CRAMP1: variants seen among roughly 807,000 people sequenced by gnomAD.
The protein encoded by CRAMP1 is cramped chromatin regulator 1, also known as protein cramped-like.
CRAMP1 carries 50 observed loss-of-function variants against 115.4 expected under a neutral mutation model. That is an observed-to-expected ratio of 0.43 (90% CI 0.35 to 0.55). The LOEUF is 0.55. CRAMP1 is among the 20% of genes least tolerant of loss of function. The pLI is 0.01. For synonymous variants in CRAMP1, 866 were observed against 745.4 expected, an observed-to-expected ratio of 1.16 and a Z score of -2.64; for missense variants, 1,679 against 1,721.7, an observed-to-expected ratio of 0.98 and a Z score of 0.44.
At chr16:1,616,818 CTT>C (rs1008931996) in intron 2 of CRAMP1, among the ~76,000 whole-genome samples, 7 of 144,878 alleles carry the variant, frequency 4.8e-5, no homozygotes, top group Non-Finnish European at 4.6e-5. Flanking sequence ...GCAAATATAT[CTT>C]TTTTTTTTTT....
chr16:1,615,044 A>C, intron 2 of CRAMP1, 59 bp downstream of exon 2: 3 of 1,033,450 alleles, frequency 2.9e-6, no homozygotes, highest in Non-Finnish European at 3.7e-6. Context: ...GCCGCGGGGG[A>C]GAGGAACCCC....
intron 11 of CRAMP1, among the ~76,000 whole-genome samples, chr16:1,661,627 G>A (rs1483123909): frequency 1.4e-5 from 2 of 142,316 alleles, no homozygotes; most frequent in Non-Finnish European, 3.0e-5. Flanking sequence ...ATGGAGTCTC[G>A]CTCTGTCGCC....
At chr16:1,619,983 G>A (rs368409814) in intron 2 of CRAMP1, among the ~76,000 whole-genome samples, 5 of 152,340 alleles carry the variant, frequency 3.3e-5, no homozygotes, top group South Asian at 4.2e-4. Context: ...ACTGCCTGTC[G>A]TATAGGATGG....
chr16:1,615,141 T>TC (rs1260863284), intron 2 of CRAMP1, among the ~76,000 whole-genome samples, 156 bp downstream of exon 2: 1 of 152,212 alleles, frequency 6.6e-6, no homozygotes, highest in Non-Finnish European at 1.5e-5. Flanking sequence ...GGGGCATGTG[T>TC]CCCCTCTCTC....
chr16:1,627,543 G>A (rs531530036), intron 3 of CRAMP1, among the ~76,000 whole-genome samples: 3 of 152,300 alleles, frequency 2.0e-5, no homozygotes, highest in East Asian at 3.9e-4. Flanking sequence ...GGAGACACTC[G>A]TAAATGTGGG....
chr16:1,637,090 C>T (rs1476066509), intron 4 of CRAMP1, among the ~76,000 whole-genome samples: 3 of 152,064 alleles, frequency 2.0e-5, no homozygotes, highest in Middle Eastern at 3.2e-3. Context: ...GTCAGGAGTT[C>T]GAGACCAGCC....
At position 1,662,657 on chromosome 16, in the gene CRAMP1, C is replaced by G; in HGVS notation, c.2581C>G (p.Leu861Val). ...KEAELTFRQH[L>V]NSISMQSDFF... ...AGCAGAGCTGACTTTCCGCCAGCAT[C>G]TGAACTCCATCAGTGTGAGTGTGTG... Residue 861 changes from leucine to valine, a missense_variant, in exon 12 of 21, where the codon CTG becomes GTG. By Grantham distance (32) the Leu-to-Val change is conservative. Transcript: ENST00000397412. 1.9e-6 allele frequency: 3 copies of G among 1,614,068 alleles called. No individual in the cohort carries two copies. Among genetic ancestry groups the G allele is most frequent in the Non-Finnish European group, 2.5e-6 (3 of 1,179,904 alleles).
At chr16:1,664,066 C>T (rs1174985106) in intron 13 of CRAMP1, among the ~76,000 whole-genome samples, 2 of 152,196 alleles carry the variant, frequency 1.3e-5, no homozygotes, top group Non-Finnish European at 2.9e-5. Flanking sequence ...GTAGTGCCTC[C>T]TCTCTAGTCT....
chr16:1,628,953 G>A (rs1026373364), intron 3 of CRAMP1, among the ~76,000 whole-genome samples: 1 of 152,220 alleles, frequency 6.6e-6, no homozygotes, highest in Admixed American at 6.5e-5. Flanking sequence ...CGCCCGTCCA[G>A]TTATGGCCCG....
intron 5 of CRAMP1, among the ~76,000 whole-genome samples, chr16:1,640,359 G>C (rs1194705566): frequency 2.0e-5 from 3 of 152,100 alleles, no homozygotes; most frequent in African/African-American, 7.3e-5. Flanking sequence ...TGATGAGAGG[G>C]GTCAGTGGTC....
In CRAMP1 at chr16:1,623,774, C is replaced by G. The variant is rs143411513; in HGVS notation, c.347-2199C>G. Among the ~76,000 whole-genome samples, 1,018 of 152,356 alleles carry G rather than the reference C, an allele frequency of 6.7e-3. 7 individuals are homozygous for G. The highest frequency in any genetic ancestry group is 1.0e-2 in the Non-Finnish European group (678 of 68,036). ...GTTAAGTTTCAAATGGCATCTGTAC[C>G]TGTCCATCATCTGCGGAAGCACCAG... On this transcript the variant is annotated intron_variant, in intron 2 of 20. Coordinates refer to ENST00000397412, the MANE Select transcript of CRAMP1 (RefSeq NM_020825.4).
chr16:1,641,115 T>G lies in CRAMP1; in HGVS notation c.779-24T>G, dbSNP rs779452364. 1.9e-6 allele frequency: 3 copies of G among 1,570,066 alleles called. No individual in the cohort carries two copies. In the South Asian group the frequency reaches 3.3e-5, roughly 17 times the overall value. ...TGCTCCTAACTACATTGTGGTCTCA[T>G]TTATTTATTTTTTCCATTTAAAGGT... On this transcript the variant is annotated intron_variant, in intron 5 of 20. Transcript: ENST00000397412.
intron 8 of CRAMP1, among the ~76,000 whole-genome samples, chr16:1,654,276 G>T (rs1263644071): frequency 6.7e-6 from 1 of 150,352 alleles, no homozygotes; most frequent in South Asian, 2.1e-4. Flanking sequence ...AAATGGCGCA[G>T]TCTCGGCTCA....
chr16:1,650,540 T>C (rs796515271), intron 6 of CRAMP1, among the ~76,000 whole-genome samples: 24 of 152,370 alleles, frequency 1.6e-4, no homozygotes, highest in African/African-American at 5.8e-4. Flanking sequence ...CCTGCTCATC[T>C]CATCGAAGCT....
At position 1,666,126 on chromosome 16, in the gene CRAMP1, C is replaced by T. The variant is rs2036873741; in HGVS notation, c.2806C>T (p.Arg936Trp). ...QSSLTKAALS[R>W]PIVPKVLPPQ... ...TTCTCTGACCAAAGCAGCTCTGTCT[C>T]GGCCGATCGTGCCCAAGGTCCTTCC... The change falls in exon 15 of 21, where the codon CGG becomes TGG. Residue 936 changes from arginine (R) to tryptophan (W), a missense_variant. Physicochemically the swap from Arg to Trp is moderately radical, Grantham distance 101. Around this residue, in one of 8 missense-constraint regions of CRAMP1, gnomAD observed 709 missense variants for 741.9 expected, o/e 0.96. Coordinates refer to ENST00000397412, the MANE Select transcript of CRAMP1 (RefSeq NM_020825.4). This position sits in a 1 kb window ranked among gnomAD's most constrained non-coding sequence, Gnocchi z 5.0. 3.7e-6 allele frequency: 6 copies of T among 1,611,908 alleles called. No homozygotes were observed. Among genetic ancestry groups the T allele is most frequent in the South Asian group, 1.1e-5 (1 of 90,450 alleles).
intron 7 of CRAMP1, 24 bp from the exon 8 acceptor site, chr16:1,653,008 CT>C (rs1220113064): frequency 6.2e-7 from 1 of 1,613,224 alleles, no homozygotes; most frequent in African/African-American, 1.3e-5. Context: ...CTGCACTAAA[CT>C]TTCATGGTTC....
chr16:1,613,499 T>A (rs1398735207), intron 1 of CRAMP1, among the ~76,000 whole-genome samples: 1 of 152,228 alleles, frequency 6.6e-6, no homozygotes, highest in East Asian at 1.9e-4. Flanking sequence ...AGGGTCAGTA[T>A]CTGCTGAGGA....
At chr16:1,647,890 T>C (rs2036690159) in intron 6 of CRAMP1, among the ~76,000 whole-genome samples, 1 of 152,090 alleles carries the variant, frequency 6.6e-6, no homozygotes, top group Non-Finnish European at 1.5e-5. Flanking sequence ...TAGCCTGTCT[T>C]ACAGCTTCCA....
rs1046157670 is a variant in CRAMP1, at chr16:1,612,651, G to C, written c.-8G>C. ...AGCCAGGCTGCCGCCCGGCGTTGAT[G>C]AAAAAGGTGACCAAGGCTGGGCGGC... On this transcript the variant is annotated 5_prime_UTR_variant, in exon 1 of 21. It removes an upstream start codon present in the reference 5' UTR. Coordinates refer to ENST00000397412, the MANE Select transcript of CRAMP1 (RefSeq NM_020825.4). Among the ~76,000 whole-genome samples, 1 of 151,964 alleles carries C rather than the reference G, an allele frequency of 6.6e-6. No homozygotes were observed. The highest frequency in any genetic ancestry group is 6.5e-5 in the Admixed American group (1 of 15,268).
Sources: allele counts gnomAD v4.1 joint callset (sites outside exome capture counted in the v4.1 genomes callset), GRCh38; gene constraint gnomAD v4.1.1; regional missense constraint gnomAD v4.1.1; non-coding constraint Gnocchi (gnomAD v3.1); transcripts MANE v1.5; gene names NCBI Gene and HGNC (gene_info 2026-07-23, HGNC 2026-07-21).